The following AOX1 variants were observed in gnomAD, a reference collection of about 807,000 sequenced individuals.
AOX1 encodes aldehyde oxidase 1, also known as aldehyde oxidase.
In AOX1, 153 loss-of-function variants were observed where a neutral mutation model predicts 169.5. The ratio of observed to expected loss-of-function variants is 0.90; its 90% CI spans 0.79 to 1.03. AOX1 has a LOEUF of 1.03. Among genes scored for constraint, AOX1 ranks in the 50% least tolerant of loss-of-function variants. The pLI is 0.00. For synonymous variants in AOX1, 562 were observed against 581.9 expected, an observed-to-expected ratio of 0.97 and a Z score of 0.49; for missense variants, 1,656 against 1,663.9, an observed-to-expected ratio of 1.00 and a Z score of 0.08.
intron 27 of AOX1, among the ~76,000 whole-genome samples, chr2:200,657,190 A>ATATATATATTTTTTT: frequency 2.1e-4 from 13 of 62,866 alleles, no homozygotes; most frequent in South Asian, 6.6e-4. Flanking sequence ...ATATATATAT[A>ATATATATATTTTTTT]TTTTTTTTTT....
chr2:200,675,902 G>T, downstream of AOX1, among the ~76,000 whole-genome samples: 1 of 144,892 alleles, frequency 6.9e-6, no homozygotes. Context: ...GCCATTGAAA[G>T]TAATGGCAAA....
chr2:200,666,525 A>G (rs2035926966), intron 31 of AOX1, among the ~76,000 whole-genome samples, 162 bp from the exon 32 acceptor site: 1 of 152,208 alleles, frequency 6.6e-6, no homozygotes, highest in South Asian at 2.1e-4. Flanking sequence ...GTTTTACATA[A>G]TAAACTTTGT....
intron 26 of AOX1, among the ~76,000 whole-genome samples, chr2:200,654,082 G>T (rs960175637): frequency 1.3e-5 from 2 of 151,706 alleles, no homozygotes; most frequent in African/African-American, 2.4e-5. Context: ...ACCCTGCAGT[G>T]GCCTCTAAGT....
chr2:200,664,940 C>A (rs890820198), intron 31 of AOX1, among the ~76,000 whole-genome samples: 1 of 152,160 alleles, frequency 6.6e-6, no homozygotes, highest in Non-Finnish European at 1.5e-5. Context: ...TGAGGCTTGT[C>A]AAGCTGTGGC....
chr2:200,643,386 T>TACAC (rs71405400), intron 25 of AOX1, among the ~76,000 whole-genome samples: 2,514 of 149,428 alleles, frequency 0.017, 59 homozygotes, highest in African/African-American at 0.055. Flanking sequence ...TATATATATA[T>TACAC]ACACACACAC....
At position 200,670,722 on chromosome 2, in the gene AOX1, G is replaced by A; in HGVS notation, c.*43G>A. Reference sequence around the variant, plus strand: ...GGAGAAAACAGAGTGCCTCTTCCCAGATGGCAATCTGTCCTATCTCTGTGC... The same window carrying A: ...GGAGAAAACAGAGTGCCTCTTCCCAAATGGCAATCTGTCCTATCTCTGTGC... On this transcript the variant is annotated 3_prime_UTR_variant, in exon 35 of 35. Coordinates refer to ENST00000374700, the MANE Select transcript of AOX1 (RefSeq NM_001159.4). The A allele has an allele frequency of 6.7e-7, 1 of 1,500,086 alleles. No homozygotes were observed. The highest frequency in any genetic ancestry group is 9.3e-7 in the Non-Finnish European group (1 of 1,078,728). The allele number at this position is 1,500,086 out of a possible 1,614,324, so 92.9% of individuals were successfully genotyped here. A position where few individuals can be genotyped will look rare whatever the true frequency, so the allele number is the denominator to read the frequency against.
chr2:200,630,908 C>G (rs57083865), intron 20 of AOX1, among the ~76,000 whole-genome samples: 14 of 152,136 alleles, frequency 9.2e-5, no homozygotes, highest in African/African-American at 3.4e-4. Context: ...GGTTTAATAC[C>G]TAAGTGATGG....
chr2:200,586,017 C>A lies in AOX1; in HGVS notation c.-92C>A. 7.0e-7 allele frequency: 1 copy of A among 1,420,710 alleles called. No individual in the cohort carries two copies. The highest frequency in any genetic ancestry group is 1.4e-5 in the African/African-American group (1 of 70,412). The allele number at this position is 1,420,710 out of a possible 1,614,324, so 88.0% of individuals were successfully genotyped here. A position where few individuals can be genotyped will look rare whatever the true frequency, so the allele number is the denominator to read the frequency against. ...AGGCTCCAGCAAGCCCCGCCCCACT[C>A]GGCGGGTCGGTGCCGCCGGGTCCCA... On this transcript the variant is annotated 5_prime_UTR_variant, in exon 1 of 35. Coordinates refer to ENST00000374700, the MANE Select transcript of AOX1 (RefSeq NM_001159.4).
At chr2:200,620,156 A>G (rs2034851412) in intron 16 of AOX1, among the ~76,000 whole-genome samples, 1 of 151,730 alleles carries the variant, frequency 6.6e-6, no homozygotes, top group African/African-American at 2.4e-5. Flanking sequence ...TGGCTTATTG[A>G]ATTACTGTAG....
chr2:200,609,844 T>G (rs1223966380), intron 12 of AOX1, among the ~76,000 whole-genome samples: 1 of 152,184 alleles, frequency 6.6e-6, no homozygotes, highest in Non-Finnish European at 1.5e-5. Context: ...CTTTTTCAGG[T>G]GAAAAATGAT....
At chr2:200,599,487 C>A in intron 4 of AOX1, 133 bp from the exon 5 acceptor site, 2 of 657,244 alleles carry the variant, frequency 3.0e-6, no homozygotes, top group Non-Finnish European at 2.4e-6. Flanking sequence ...ATGAGAAGGG[C>A]TCCCAGGGGC....
At chr2:200,623,576 C>A (rs941893114) in intron 18 of AOX1, among the ~76,000 whole-genome samples, 6 of 152,244 alleles carry the variant, frequency 3.9e-5, no homozygotes, top group Non-Finnish European at 7.3e-5. Flanking sequence ...GACAGGCTGG[C>A]CCTCACACAG....
At chr2:200,666,903 T>C in intron 32 of AOX1, 151 bp downstream of exon 32, 2 of 496,226 alleles carry the variant, frequency 4.0e-6, no homozygotes, top group South Asian at 8.7e-5. Flanking sequence ...GCTCAAATGT[T>C]TTACTGTTTA....
At chr2:200,597,636 G>A in intron 4 of AOX1, 131 bp downstream of exon 4, 1 of 471,372 alleles carries the variant, frequency 2.1e-6, no homozygotes, top group Admixed American at 3.9e-5. Flanking sequence ...CAACCTAGCT[G>A]GGAACAAGAG....
chr2:200,631,742 A>C (rs2465659), intron 20 of AOX1, among the ~76,000 whole-genome samples: 246 of 152,320 alleles, frequency 1.6e-3, no homozygotes, highest in African/African-American at 5.5e-3. Context: ...AGCTCTGTCT[A>C]ATTTTTTTAG....
intron 26 of AOX1, among the ~76,000 whole-genome samples, chr2:200,653,693 T>A (rs1211590591): frequency 6.6e-6 from 1 of 152,230 alleles, no homozygotes; most frequent in African/African-American, 2.4e-5. Flanking sequence ...CTTGTTTTAC[T>A]GCACTCTGCT....
chr2:200,667,552 C>A (rs2035945872), intron 32 of AOX1, among the ~76,000 whole-genome samples: 1 of 151,014 alleles, frequency 6.6e-6, no homozygotes, highest in South Asian at 2.1e-4. Flanking sequence ...GGGTGTGAAC[C>A]AGGTTGTCAA....
chr2:200,605,215 T>A (rs2034490649), intron 9 of AOX1, among the ~76,000 whole-genome samples: 10 of 152,174 alleles, frequency 6.6e-5, no homozygotes, highest in Admixed American at 6.6e-4. Context: ...TATGTTTTAC[T>A]TAAACAACCG....
chr2:200,595,104 T>G (rs1054695700), intron 2 of AOX1, among the ~76,000 whole-genome samples, 168 bp from the exon 3 acceptor site: 1 of 152,232 alleles, frequency 6.6e-6, no homozygotes, highest in Non-Finnish European at 1.5e-5. Context: ...TTTACAAGAT[T>G]ATTATAGCTT....
Sources: gnomAD v4.1 joint callset for allele counts (sites outside exome capture counted in the v4.1 genomes callset) on GRCh38, gnomAD v4.1.1 for gene constraint, MANE v1.5 for transcripts, NCBI Gene and HGNC (gene_info 2026-07-23, HGNC 2026-07-21) for gene names.